The following ASAP1 variants were observed in gnomAD, a reference collection of about 807,000 sequenced individuals.
ASAP1 encodes ArfGAP with SH3 domain, ankyrin repeat and PH domain 1, also known as arf-GAP with SH3 domain, ANK repeat and PH domain-containing protein 1.
Under a neutral mutation model 145.2 loss-of-function variants are expected in ASAP1, and 43 were observed. The ratio of observed to expected loss-of-function variants is 0.30; its 90% confidence interval spans 0.23 to 0.38. The LOEUF (loss-of-function observed/expected upper bound fraction) is 0.38. Ranked by LOEUF, ASAP1 falls within the 10% of genes least tolerant of loss-of-function variation. ASAP1 has a pLI of 1.00. For missense variants in ASAP1, 1,018 were observed against 1,355.3 expected (o/e 0.75, Z 3.91); for synonymous variants, 546 against 515.5 (o/e 1.06, Z -0.80).
At chr8:130,078,074 C>T (rs2097468246) in intron 26 of ASAP1, among the ~76,000 whole-genome samples, 1 of 151,866 alleles carries the variant, frequency 6.6e-6, no homozygotes, top group African/African-American at 2.4e-5. Flanking sequence ...ACTGCAACCT[C>T]CACTTCCCAG....
intron 24 of ASAP1, among the ~76,000 whole-genome samples, chr8:130,107,883 G>C (rs1592817036): frequency 1.3e-5 from 2 of 152,204 alleles, no homozygotes; most frequent in South Asian, 4.1e-4. Flanking sequence ...GGAAAAGAAG[G>C]CTTCTTGGAA....
chr8:130,089,242 T>C (rs1276962144), intron 25 of ASAP1, among the ~76,000 whole-genome samples: 3 of 152,128 alleles, frequency 2.0e-5, no homozygotes, highest in East Asian at 1.9e-4. Flanking sequence ...AGATTCTAGG[T>C]TGAGGGCATA....
At chr8:130,202,938 T>C (rs1586584448) in intron 5 of ASAP1, among the ~76,000 whole-genome samples, 1 of 152,234 alleles carries the variant, frequency 6.6e-6, no homozygotes, top group East Asian at 1.9e-4. Context: ...AGCGGGCCAT[T>C]TCTTCATGTT....
chr8:130,289,347 T>A (rs1012026471), intron 3 of ASAP1, among the ~76,000 whole-genome samples: 1 of 152,180 alleles, frequency 6.6e-6, no homozygotes, highest in Non-Finnish European at 1.5e-5. Context: ...ACAGTAAGAA[T>A]GTGGCCATTT....
At chr8:130,318,697 C>A (rs1823819033) in intron 3 of ASAP1, among the ~76,000 whole-genome samples, 1 of 152,204 alleles carries the variant, frequency 6.6e-6, no homozygotes, top group African/African-American at 2.4e-5. Flanking sequence ...AGGTCCCTTT[C>A]CCAAGGCCTT....
intron 13 of ASAP1, among the ~76,000 whole-genome samples, chr8:130,152,023 T>A (rs1399502446): frequency 1.3e-5 from 2 of 152,338 alleles, no homozygotes; most frequent in East Asian, 3.9e-4. Flanking sequence ...AAGTGGTACT[T>A]CCTTTCCTCC....
intron 3 of ASAP1, among the ~76,000 whole-genome samples, chr8:130,251,130 A>C (rs966909454): frequency 6.6e-6 from 1 of 152,216 alleles, no homozygotes; most frequent in African/African-American, 2.4e-5. Context: ...TAAATTTTTT[A>C]AAATGGGCCA....
At chr8:130,186,929 C>T (rs1264224975) in intron 7 of ASAP1, among the ~76,000 whole-genome samples, 2 of 152,170 alleles carry the variant, frequency 1.3e-5, no homozygotes, top group Admixed American at 6.5e-5. Flanking sequence ...TAATTACATG[C>T]TATCTATAAT....
intron 11 of ASAP1, among the ~76,000 whole-genome samples, chr8:130,164,379 G>A (rs959511418): frequency 6.6e-6 from 1 of 152,028 alleles, no homozygotes; most frequent in Admixed American, 6.6e-5. Context: ...GAGGTCACTT[G>A]AGGAGTTCGA....
intron 27 of ASAP1, among the ~76,000 whole-genome samples, chr8:130,068,218 G>C (rs2097434388): frequency 6.6e-6 from 1 of 152,186 alleles, no homozygotes; most frequent in South Asian, 2.1e-4. Flanking sequence ...GGTTATTGTT[G>C]TCTATAATGG....
chr8:130,374,034 TA>T (rs34199624), intron 2 of ASAP1, among the ~76,000 whole-genome samples: 18,401 of 94,272 alleles, frequency 0.2, 1,236 homozygotes, highest in Non-Finnish European at 0.22. Context: ...TAACTCCCTT[TA>T]AAAAAAAAAA....
chr8:130,132,212 C>G (rs189673602), intron 15 of ASAP1, among the ~76,000 whole-genome samples: 2 of 152,286 alleles, frequency 1.3e-5, no homozygotes, highest in East Asian at 3.9e-4. Context: ...ACAAAAGTCC[C>G]TACTTTCTGG....
At position 130,118,199 on chromosome 8, in the gene ASAP1, C is replaced by T; in HGVS notation, c.1842G>A (p.Gln614=). Residue 614 remains glutamine, a synonymous_variant, in exon 20 of 30, where the codon CAG becomes CAA. Transcript: ENST00000518721. ...GGAAGTCAACCAAATGGAGAGATGT[C>T]TGATCTGCAGTTCGGACGGCAAGGT... ...ALHLAVRTAD[Q]TSLHLVDFLV... is the part of the protein sequence containing the mutation. 1 of 1,613,924 alleles carries T rather than the reference C, an allele frequency of 6.2e-7. No homozygotes were observed. The highest frequency in any genetic ancestry group is 1.1e-5 in the South Asian group (1 of 91,052).
chr8:130,087,918 G>T (rs1377728128), intron 25 of ASAP1, among the ~76,000 whole-genome samples: 1 of 152,092 alleles, frequency 6.6e-6, no homozygotes, highest in Non-Finnish European at 1.5e-5. Flanking sequence ...CAATGGCCAA[G>T]ACAGGGGTTT....
chr8:130,209,406 A>G (rs1816435855), intron 5 of ASAP1, among the ~76,000 whole-genome samples: 1 of 152,150 alleles, frequency 6.6e-6, no homozygotes, highest in Non-Finnish European at 1.5e-5. Context: ...TAATACTAAG[A>G]GGTTATCTGA....
chr8:130,267,840 C>A (rs1362566241), intron 3 of ASAP1, among the ~76,000 whole-genome samples: 2 of 152,194 alleles, frequency 1.3e-5, no homozygotes, highest in Non-Finnish European at 2.9e-5. Context: ...GGCCCTCTCT[C>A]TAGAGAGAAA....
rs1328589506 is a variant in ASAP1 at position 130,079,940 on chromosome 8, C to G, written c.2604G>C (p.Lys868Asn). 2 of 1,614,138 alleles carry G rather than the reference C, an allele frequency of 1.2e-6. No homozygotes were observed. The highest frequency in any genetic ancestry group is 8.5e-7 in the Non-Finnish European group (1 of 1,179,992). The change falls in exon 26 of 30, where the codon AAG (lysine) becomes AAC (asparagine). Residue 868 changes from lysine to asparagine, a missense_variant. Lys to Asn is a moderately conservative substitution (Grantham distance 94, BLOSUM62 0). Coordinates refer to ENST00000518721, the MANE Select transcript of ASAP1 (RefSeq NM_018482.4). ...ATAGTCCCTCAAACTTGTTTGTAGTCTTACTTGAAGAGGATGGACCCCCAT... is the reference window on the plus strand; with the variant it reads ...ATAGTCCCTCAAACTTGTTTGTAGTGTTACTTGAAGAGGATGGACCCCCAT... ...GNDGGPSSSS[K>N]TTNKFEGLSQ...
intron 3 of ASAP1, among the ~76,000 whole-genome samples, chr8:130,320,480 G>A (rs758516374): frequency 6.6e-6 from 1 of 152,038 alleles, no homozygotes; most frequent in Non-Finnish European, 1.5e-5. Context: ...GCTTGAGCCC[G>A]GGAGGTGGAG....
At chr8:130,142,214 C>T (rs2097613585) in intron 13 of ASAP1, among the ~76,000 whole-genome samples, 1 of 152,206 alleles carries the variant, frequency 6.6e-6, no homozygotes, top group Non-Finnish European at 1.5e-5. Context: ...CACTCCTTCT[C>T]TTCTGCGGTC....
Sources: allele counts gnomAD v4.1 joint callset (sites outside exome capture counted in the v4.1 genomes callset), GRCh38; gene constraint gnomAD v4.1.1; transcripts MANE v1.5; gene names NCBI Gene and HGNC (gene_info 2026-07-23, HGNC 2026-07-21).